The following STXBP3 variants were observed in gnomAD, a reference collection of about 807,000 sequenced individuals.
STXBP3 encodes the protein syntaxin binding protein 3.
In STXBP3, 41 loss-of-function variants were observed where a neutral mutation model predicts 85.7. That is an observed-to-expected ratio of 0.48 (90% CI 0.37 to 0.62). The LOEUF (loss-of-function observed/expected upper bound fraction) is 0.62. Ranked by LOEUF, STXBP3 falls within the 20% of genes least tolerant of loss-of-function variation. The pLI is 0.00. For synonymous variants in STXBP3, 229 were observed against 231.7 expected, an observed-to-expected ratio of 0.99 and a Z score of 0.10; for missense variants, 563 against 703.1, an observed-to-expected ratio of 0.80 and a Z score of 2.25.
At chr1:108,775,849 ATGGAATAC>A in intron 7 of STXBP3, among the ~76,000 whole-genome samples, 1 of 152,102 alleles carries the variant, frequency 6.6e-6, no homozygotes, top group Non-Finnish European at 1.5e-5. Context: ...TATAATCATG[ATGGAATAC>A]TGTATAGGAG....
At chr1:108,750,014 C>T (rs1661868228) in intron 1 of STXBP3, among the ~76,000 whole-genome samples, 1 of 152,152 alleles carries the variant, frequency 6.6e-6, no homozygotes, top group South Asian at 2.1e-4. Flanking sequence ...AGACTAGCCA[C>T]ATTTCAGGTG....
intron 16 of STXBP3, 64 bp downstream of exon 16, chr1:108,798,301 G>C: frequency 7.6e-7 from 1 of 1,314,134 alleles, no homozygotes; most frequent in Non-Finnish European, 1.1e-6. Flanking sequence ...TTTACTTTTT[G>C]TAGTTTATGT....
At position 108,772,324 on chromosome 1, in the gene STXBP3, A is replaced by ATATC. The variant is rs1224981603; in HGVS notation, c.439-339_439-336dup. Among the ~76,000 whole-genome samples, 3 of 63,668 alleles carry ATATC rather than the reference A, an allele frequency of 4.7e-5. 1 individual carries two copies. The highest frequency in any genetic ancestry group is 2.3e-4 in the East Asian group (1 of 4,438). The allele number at this position is 63,668 out of a possible 152,430, so 41.8% of individuals were successfully genotyped here. ...TCTGTATCATATATAAATACATATGATATCTGTATCATATATAAATACATA... is the reference window on the plus strand; with the variant it reads ...TCTGTATCATATATAAATACATATGATATCTATCTGTATCATATATAAATACATA... On this transcript the variant is annotated intron_variant, in intron 6 of 18. Coordinates refer to ENST00000370008, the MANE Select transcript of STXBP3 (RefSeq NM_007269.4).
Position 108,753,151 on chromosome 1 carries a change from G to A in STXBP3, c.181+7G>A. ...CTAGAAGAAGGTATTACTGGTAAGT[G>A]TTATTCTTGGCATGAACACTTTTTA... On this transcript the variant is annotated splice_region_variant and intron_variant, in intron 3 of 18. Coordinates refer to ENST00000370008, the MANE Select transcript of STXBP3 (RefSeq NM_007269.4). 1.9e-6 allele frequency: 3 copies of A among 1,548,248 alleles called. No individual in the cohort carries two copies. Among genetic ancestry groups the A allele is most frequent in the Non-Finnish European group, 2.6e-6 (3 of 1,149,546 alleles).
chr1:108,774,103 A>AC (rs1224122715), intron 7 of STXBP3, among the ~76,000 whole-genome samples: 2 of 152,148 alleles, frequency 1.3e-5, no homozygotes, highest in African/African-American at 4.8e-5. Context: ...TATAAATGGA[A>AC]CCACATGATA....
intron 17 of STXBP3, 85 bp downstream of exon 17, chr1:108,800,390 A>G: frequency 7.9e-6 from 8 of 1,007,434 alleles, no homozygotes; most frequent in South Asian, 4.2e-5. Context: ...ATATTTGGCA[A>G]CTTTCTTTCA....
intron 6 of STXBP3, among the ~76,000 whole-genome samples, chr1:108,765,633 G>GGAGTGCAGTGGA (rs1662247533): frequency 7.2e-6 from 1 of 138,364 alleles, no homozygotes; most frequent in African/African-American, 2.8e-5. Context: ...GGAGTGCAGT[G>GGAGTGCAGTGGA]GTGCAATCTC....
intron 7 of STXBP3, among the ~76,000 whole-genome samples, chr1:108,775,881 A>G (rs1662579756): frequency 6.6e-6 from 1 of 152,034 alleles, no homozygotes; most frequent in African/African-American, 2.4e-5. Flanking sequence ...AAATGAATAA[A>G]TCCGATATGT....
Position 108,800,348 on chromosome 1 carries a change from G to A in STXBP3, c.1535+43G>A, listed in dbSNP as rs746972552. 5 of 1,440,836 alleles carry A rather than the reference G, an allele frequency of 3.5e-6. No individual in the cohort carries two copies. In the African/African-American group the frequency reaches 7.0e-5, roughly 20 times the overall value. The allele number at this position is 1,440,836 out of a possible 1,614,324, so 89.3% of individuals were successfully genotyped here. On this transcript the variant is annotated intron_variant, in intron 17 of 18. Coordinates refer to ENST00000370008, the MANE Select transcript of STXBP3 (RefSeq NM_007269.4). ...AAATCAATGAAATTTTCATTCTACG[G>A]ACTAATAATTTAAAATGGTACACAG...
At chr1:108,767,161 C>T (rs1409422218) in intron 6 of STXBP3, 1 of 287,664 alleles carries the variant, frequency 3.5e-6, no homozygotes, top group African/African-American at 2.3e-5. Flanking sequence ...GCCTCATCTT[C>T]TCCCTCTGGG....
intron 6 of STXBP3, among the ~76,000 whole-genome samples, chr1:108,764,740 T>C (rs1403219064): frequency 1.3e-5 from 2 of 152,220 alleles, no homozygotes; most frequent in South Asian, 2.1e-4. Context: ...TGGTTTTTTT[T>C]CTTGTAAATT....
chr1:108,758,671 A>G, intron 5 of STXBP3, 83 bp downstream of exon 5: 1 of 637,492 alleles, frequency 1.6e-6, no homozygotes, highest in Admixed American at 3.4e-5. Flanking sequence ...TCAGCCCAAA[A>G]TGTCATTAAA....
rs369573517 is a variant in STXBP3, at chr1:108,792,059, AGTT to A, written c.964-1518_964-1516del. 5.3e-4 allele frequency among the ~76,000 whole-genome samples: 81 copies of A among 152,314 alleles called. No individual in the cohort carries two copies. In the East Asian group the frequency reaches 0.014, roughly 26 times the overall value. ...AGTTTCAGAACATTTTAGTTTTTCC[AGTT>A]GTTGGCAATTATGAATAAAGCTACT... On this transcript the variant is annotated intron_variant, in intron 11 of 18. Transcript: ENST00000370008.
chr1:108,762,870 A>C (rs1187443349), intron 6 of STXBP3, among the ~76,000 whole-genome samples: 1 of 152,224 alleles, frequency 6.6e-6, no homozygotes, highest in Non-Finnish European at 1.5e-5. Context: ...AATCACACAC[A>C]TAACTACTTT....
At chr1:108,751,599 A>G (rs1661908137) in intron 1 of STXBP3, among the ~76,000 whole-genome samples, 1 of 152,064 alleles carries the variant, frequency 6.6e-6, no homozygotes, top group African/African-American at 2.4e-5. Flanking sequence ...TCAATTGAAC[A>G]TTAATAAAAC....
chr1:108,772,867 A>G (rs879129630), intron 7 of STXBP3, 48 bp downstream of exon 7: 3 of 1,435,708 alleles, frequency 2.1e-6, no homozygotes, highest in South Asian at 3.1e-5. Context: ...TTTACCATTC[A>G]TTATAGAGGT....
chr1:108,775,124 CAA>C (rs1218566263), intron 7 of STXBP3, among the ~76,000 whole-genome samples: 5 of 152,000 alleles, frequency 3.3e-5, no homozygotes, highest in African/African-American at 1.2e-4. Flanking sequence ...AATTATTGTA[CAA>C]AGAGTTGAAT....
chr1:108,787,888 CA>C (rs1156438432), intron 11 of STXBP3, among the ~76,000 whole-genome samples: 1 of 151,990 alleles, frequency 6.6e-6, no homozygotes, highest in Non-Finnish European at 1.5e-5. Flanking sequence ...CTCTTGGGCT[CA>C]AACGATCCTC....
chr1:108,747,775 T>C (rs552859683), intron 1 of STXBP3, among the ~76,000 whole-genome samples: 74 of 152,344 alleles, frequency 4.9e-4, no homozygotes, highest in African/African-American at 1.7e-3. Context: ...GCTTAACATA[T>C]AGCAGGCACT....
Sources: allele counts gnomAD v4.1 joint callset (sites outside exome capture counted in the v4.1 genomes callset), GRCh38; gene constraint gnomAD v4.1.1; transcripts MANE v1.5; gene names NCBI Gene and HGNC (gene_info 2026-07-23, HGNC 2026-07-21).